Variants in AKAP6 observed in about 807,000 individuals in gnomAD.
AKAP6 encodes the protein A-kinase anchor protein 6.
In AKAP6, 58 loss-of-function variants were observed where a neutral mutation model predicts 188.5. The ratio of observed to expected loss-of-function variants is 0.31; its 90% CI spans 0.25 to 0.38. The LOEUF (loss-of-function observed/expected upper bound fraction) is 0.38. AKAP6 is among the 10% of genes least tolerant of loss of function. The pLI is 1.00. For synonymous variants in AKAP6, 989 were observed against 998.6 expected (o/e 0.99, Z 0.18); for missense variants, 2,710 against 2,740.0 (o/e 0.99, Z 0.24).
intron 11 of AKAP6, among the ~76,000 whole-genome samples, chr14:32,742,842 G>T (rs954609815): frequency 3.3e-5 from 5 of 152,044 alleles, no homozygotes; most frequent in African/African-American, 1.2e-4. Flanking sequence ...TGTGTATTTT[G>T]CAGCTCTTGG....
chr14:32,705,020 G>A (rs1174936555), intron 9 of AKAP6, among the ~76,000 whole-genome samples: 1 of 152,136 alleles, frequency 6.6e-6, no homozygotes. Context: ...ATGGTAAGGC[G>A]CAAGGGAAAA....
intron 4 of AKAP6, among the ~76,000 whole-genome samples, chr14:32,567,867 T>C (rs17099295): frequency 0.2 from 30,339 of 152,008 alleles, 3,343 homozygotes; most frequent in East Asian, 0.47. Flanking sequence ...TTTAAAGTGA[T>C]TGATTAGCCC....
chr14:32,340,869 C>T (rs1886867493), intron 1 of AKAP6, among the ~76,000 whole-genome samples: 1 of 152,200 alleles, frequency 6.6e-6, no homozygotes, highest in Non-Finnish European at 1.5e-5. Context: ...TCTTGGGCCT[C>T]TTTTATTAGG....
intron 7 of AKAP6, among the ~76,000 whole-genome samples, chr14:32,607,425 G>A (rs1039279643): frequency 5.3e-5 from 8 of 152,094 alleles, no homozygotes; most frequent in Admixed American, 4.6e-4. Flanking sequence ...ATATGTTATC[G>A]AAAGAAACCA....
intron 2 of AKAP6, among the ~76,000 whole-genome samples, chr14:32,526,293 C>T (rs929725286): frequency 2.6e-5 from 4 of 151,952 alleles, no homozygotes; most frequent in East Asian, 3.9e-4. Flanking sequence ...AGTGCAGTGG[C>T]GAAATCTCAG....
intron 11 of AKAP6, among the ~76,000 whole-genome samples, chr14:32,747,476 C>T (rs746979354): frequency 1.3e-5 from 2 of 152,176 alleles, no homozygotes; most frequent in African/African-American, 2.4e-5. Flanking sequence ...ATCATAGATA[C>T]ATTTAAAAAA....
chr14:32,415,123 C>T (rs369156324), intron 1 of AKAP6, among the ~76,000 whole-genome samples: 7 of 152,264 alleles, frequency 4.6e-5, no homozygotes, highest in South Asian at 4.1e-4. Flanking sequence ...TAAATCAGCA[C>T]GATTTACAAA....
chr14:32,744,950 C>T (rs2031832688), intron 11 of AKAP6, among the ~76,000 whole-genome samples: 1 of 152,124 alleles, frequency 6.6e-6, no homozygotes, highest in African/African-American at 2.4e-5. Flanking sequence ...AGAATTTCTG[C>T]ATGATTCTTT....
At chr14:32,696,921 G>A (rs1890428434) in intron 9 of AKAP6, among the ~76,000 whole-genome samples, 2 of 152,140 alleles carry the variant, frequency 1.3e-5, no homozygotes, top group African/African-American at 4.8e-5. Flanking sequence ...TTTTATTGGA[G>A]TAATTCTGAC....
intron 11 of AKAP6, among the ~76,000 whole-genome samples, chr14:32,757,592 G>A (rs997817808): frequency 2.0e-5 from 3 of 152,180 alleles, no homozygotes; most frequent in Admixed American, 1.3e-4. Context: ...GATGATTTGG[G>A]GAGTATAAGT....
At chr14:32,800,131 C>T (rs201249865) in intron 12 of AKAP6, among the ~76,000 whole-genome samples, 3 of 142,446 alleles carry the variant, frequency 2.1e-5, no homozygotes, top group African/African-American at 7.8e-5. Flanking sequence ...TATATACACA[C>T]ATATATATAC....
chr14:32,743,697 C>CT (rs1174481749), intron 11 of AKAP6, among the ~76,000 whole-genome samples: 1 of 152,054 alleles, frequency 6.6e-6, no homozygotes, highest in Non-Finnish European at 1.5e-5. Flanking sequence ...TGCTTTTTAG[C>CT]TTTTTGTTGT....
chr14:32,704,437 A>G (rs1890732883), intron 9 of AKAP6, among the ~76,000 whole-genome samples: 1 of 152,174 alleles, frequency 6.6e-6, no homozygotes. Flanking sequence ...AATTTCTGAT[A>G]AGAAAAGGTT....
intron 12 of AKAP6, among the ~76,000 whole-genome samples, chr14:32,786,192 G>A (rs1446700071): frequency 1.3e-5 from 2 of 151,050 alleles, no homozygotes; most frequent in African/African-American, 2.4e-5. Context: ...CCATTTTGGT[G>A]CACTGTTACT....
At chr14:32,776,976 T>C (rs1224843835) in intron 12 of AKAP6, among the ~76,000 whole-genome samples, 2 of 152,040 alleles carry the variant, frequency 1.3e-5, no homozygotes, top group African/African-American at 2.4e-5. Context: ...CCTGAAAGGA[T>C]TAGAGGGAAC....
At chr14:32,493,253 C>T (rs1880131350) in intron 2 of AKAP6, among the ~76,000 whole-genome samples, 1 of 152,058 alleles carries the variant, frequency 6.6e-6, no homozygotes, top group Non-Finnish European at 1.5e-5. Flanking sequence ...GTCACCCAGG[C>T]TGGAGTATAC....
chr14:32,810,984 A>T (rs1464489424), intron 12 of AKAP6, among the ~76,000 whole-genome samples: 1 of 152,130 alleles, frequency 6.6e-6, no homozygotes, highest in Non-Finnish European at 1.5e-5. Context: ...TCACACCTGT[A>T]ATCCCAGCAC....
intron 2 of AKAP6, among the ~76,000 whole-genome samples, chr14:32,469,738 G>C (rs184410966): frequency 4.4e-4 from 49 of 112,566 alleles, no homozygotes; most frequent in African/African-American, 1.7e-3. Flanking sequence ...TATTATACTT[G>C]TCTTGGCTCG....
chr14:32,748,946 G>A (rs1177773143), intron 11 of AKAP6, among the ~76,000 whole-genome samples: 1 of 151,968 alleles, frequency 6.6e-6, no homozygotes, highest in Non-Finnish European at 1.5e-5. Context: ...GCACACACAA[G>A]TGTACACACA....
Sources: gnomAD v4.1 joint callset for allele counts (sites outside exome capture counted in the v4.1 genomes callset) on GRCh38, gnomAD v4.1.1 for gene constraint, MANE v1.5 for transcripts, NCBI Gene and HGNC (gene_info 2026-07-23, HGNC 2026-07-21) for gene names.